The following UBAC2 variants were observed in gnomAD, a reference collection of about 807,000 sequenced individuals.
The protein encoded by UBAC2 is ubiquitin-associated domain-containing protein 2.
UBAC2 carries 26 observed loss-of-function variants against 44.0 expected under a neutral mutation model. The observed-to-expected ratio is 0.59, with a 90% CI of 0.43 to 0.82. The LOEUF (loss-of-function observed/expected upper bound fraction) is 0.82. Ranked by LOEUF, UBAC2 falls within the 40% of genes least tolerant of loss-of-function variation. The probability of loss-of-function intolerance (pLI) is 0.00; values close to 1 mark genes in which losing one functional copy is unlikely to be tolerated. For missense variants in UBAC2, 329 were observed against 419.4 expected, an observed-to-expected ratio of 0.78 and a Z score of 1.88; for synonymous variants, 155 against 154.3, an observed-to-expected ratio of 1.00 and a Z score of -0.04.
chr13:99,314,069 A>C, intron 4 of UBAC2, 28 bp from the exon 5 acceptor site: 1 of 1,589,224 alleles, frequency 6.3e-7, no homozygotes, highest in Non-Finnish European at 8.5e-7. Context: ...TCACTATTAT[A>C]GTGATTTTTT....
chr13:99,383,273 C>G (rs1194280186), intron 8 of UBAC2, among the ~76,000 whole-genome samples: 1 of 152,266 alleles, frequency 6.6e-6, no homozygotes, highest in Non-Finnish European at 1.5e-5. Context: ...CGAGTCAGGT[C>G]TCTCAAATCC....
chr13:99,283,828 G>A (rs1420683145), intron 4 of UBAC2, among the ~76,000 whole-genome samples: 5 of 131,834 alleles, frequency 3.8e-5, no homozygotes, highest in East Asian at 2.5e-4. Flanking sequence ...TCTGCCTCCC[G>A]GGTTCAAGCT....
chr13:99,219,500 C>G (rs1391210093), intron 1 of UBAC2, among the ~76,000 whole-genome samples: 1 of 152,184 alleles, frequency 6.6e-6, no homozygotes, highest in African/African-American at 2.4e-5. Flanking sequence ...CACCCTGCAG[C>G]CCATGGGCCA....
At chr13:99,230,442 C>G (rs1385608059) in intron 1 of UBAC2, among the ~76,000 whole-genome samples, 2 of 152,088 alleles carry the variant, frequency 1.3e-5, no homozygotes, top group East Asian at 3.8e-4. Context: ...GCACTCCAGC[C>G]TGGGCAACAG....
At chr13:99,344,742 G>A (rs1566513035) in intron 7 of UBAC2, among the ~76,000 whole-genome samples, 1 of 152,218 alleles carries the variant, frequency 6.6e-6, no homozygotes, top group Non-Finnish European at 1.5e-5. Context: ...CCATCTGGCA[G>A]GTGCTCGCTG....
intron 4 of UBAC2, among the ~76,000 whole-genome samples, chr13:99,306,511 G>GC (rs2044338404): frequency 6.6e-6 from 1 of 151,438 alleles, no homozygotes; most frequent in East Asian, 1.9e-4. Flanking sequence ...AAAATACCAC[G>GC]CCCCCCTCCC....
In UBAC2 at chr13:99,237,498, G is replaced by A. The variant is rs185666096; in HGVS notation, c.32-929G>A. On this transcript the variant is annotated intron_variant, in intron 1 of 8. Coordinates refer to ENST00000403766, the MANE Select transcript of UBAC2 (RefSeq NM_001144072.2). The stretch of plus-strand genomic sequence containing the variant: ...GAGGCTGGGAAGGGTAGGAGGGAGA[G>A]GGGGATAAAAAGAGGTTGATTAATG... Among the ~76,000 whole-genome samples, 88 of 152,158 alleles carry A rather than the reference G, an allele frequency of 5.8e-4. 2 individuals carry two copies. In the East Asian group the frequency reaches 0.01, roughly 17 times the overall value.
At chr13:99,202,072 C>CAAAA (rs776251286) in intron 1 of UBAC2, among the ~76,000 whole-genome samples, 1 of 71,970 alleles carries the variant, frequency 1.4e-5, no homozygotes, top group African/African-American at 5.5e-5. Flanking sequence ...GACTCCATCT[C>CAAAA]AAAAAAAAAA....
intron 1 of UBAC2, among the ~76,000 whole-genome samples, chr13:99,233,746 T>C (rs2030375681): frequency 6.6e-6 from 1 of 152,112 alleles, no homozygotes; most frequent in Admixed American, 6.5e-5. Flanking sequence ...GACAGAATTA[T>C]CAAAATTATC....
intron 1 of UBAC2, among the ~76,000 whole-genome samples, chr13:99,237,870 GCTTGAAC>G (rs945223591): frequency 8.5e-5 from 13 of 152,096 alleles, no homozygotes; most frequent in Non-Finnish European, 1.5e-4. Context: ...CAGGAGAATC[GCTTGAAC>G]CTGGGAGGTG....
At chr13:99,225,058 G>A (rs912805487) in intron 1 of UBAC2, among the ~76,000 whole-genome samples, 2 of 152,110 alleles carry the variant, frequency 1.3e-5, no homozygotes, top group African/African-American at 4.8e-5. Context: ...GGTTTGTTTG[G>A]TCCTGGACAG....
At chr13:99,332,764 C>T (rs1047138226) in intron 6 of UBAC2, among the ~76,000 whole-genome samples, 1 of 152,364 alleles carries the variant, frequency 6.6e-6, no homozygotes, top group Non-Finnish European at 1.5e-5. Flanking sequence ...GCCACTGCTG[C>T]CTTCTTTTTC....
intron 1 of UBAC2, chr13:99,234,345 G>A: frequency 3.0e-6 from 1 of 330,342 alleles, no homozygotes; most frequent in South Asian, 2.0e-5. Flanking sequence ...TTGCCACCAC[G>A]CCCGGGTAAT....
rs1448940169 is a variant in UBAC2 at position 99,314,213 on chromosome 13, GA to G, written c.507del (p.Leu170CysfsTer13). The G allele has an allele frequency of 6.2e-7, 1 of 1,609,946 alleles. No individual in the cohort carries two copies. Among genetic ancestry groups the G allele is most frequent in the Admixed American group, 1.7e-5 (1 of 59,592 alleles). On this transcript the variant is annotated frameshift_variant, in exon 5 of 9. Transcript: ENST00000403766. LOFTEE classifies it high-confidence loss of function. Reference protein sequence around the residue: ...ITNKTLIYILGLQLFTSGSYI... With the variant: ...ITNKTLIYILXLQLFTSGSYI... ...AACAAGACATTGATTTATATATTGG[GA>G]CTGCAGGTACAGTATGCATTTTTAT...
intron 1 of UBAC2, among the ~76,000 whole-genome samples, chr13:99,230,926 G>A (rs2043165517): frequency 6.6e-6 from 1 of 152,110 alleles, no homozygotes; most frequent in Non-Finnish European, 1.5e-5. Context: ...GCACGTGCCT[G>A]TAGTCCCAGC....
At chr13:99,259,817 T>C (rs184187434) in intron 4 of UBAC2, among the ~76,000 whole-genome samples, 60 of 152,344 alleles carry the variant, frequency 3.9e-4, no homozygotes, top group African/African-American at 1.2e-3. Context: ...GCTGCTAAAA[T>C]CAACAGATAC....
Position 99,318,038 on chromosome 13 carries a change from C to T in UBAC2, c.530C>T (p.Ser177Phe), listed in dbSNP as rs778455727. 25 of 1,607,780 alleles carry T rather than the reference C, an allele frequency of 1.6e-5. No homozygotes were observed. In the South Asian group the frequency reaches 2.7e-4, roughly 17 times the overall value. The change falls in exon 6 of 9, where the codon TCC becomes TTC. Residue 177 changes from serine to phenylalanine, a missense_variant. Ser to Phe is a radical substitution (Grantham distance 155, BLOSUM62 -2). Transcript: ENST00000403766. ...ILGLQLFTSG[S>F]YIWIVAISGL... ...CTTTTATAGCTTTTCACCTCTGGTT[C>T]CTACATCTGGATTGTAGCCATAAGT...
intron 7 of UBAC2, chr13:99,351,474 C>T (rs2045087448): frequency 2.2e-6 from 1 of 454,072 alleles, no homozygotes; most frequent in Non-Finnish European, 4.4e-6. Context: ...TACCACCTGG[C>T]CCTTTACAGA....
intron 4 of UBAC2, among the ~76,000 whole-genome samples, chr13:99,285,609 C>G (rs1305444690): frequency 6.6e-6 from 1 of 152,154 alleles, no homozygotes; most frequent in East Asian, 1.9e-4. Context: ...CCAGGCTGGT[C>G]TCAAACTCCT....
Sources: allele counts gnomAD v4.1 joint callset (sites outside exome capture counted in the v4.1 genomes callset), GRCh38; gene constraint gnomAD v4.1.1; transcripts MANE v1.5; gene names NCBI Gene and HGNC (gene_info 2026-07-23, HGNC 2026-07-21).